Variants in HEATR1 observed in about 807,000 individuals in gnomAD.
The protein encoded by HEATR1 is HEAT repeat-containing protein 1.
In HEATR1, 77 loss-of-function variants were observed where a neutral mutation model predicts 248.2. The ratio of observed to expected loss-of-function variants is 0.31; its 90% CI spans 0.26 to 0.37. The LOEUF is 0.37. Among genes scored for constraint, HEATR1 ranks in the 10% least tolerant of loss-of-function variants. HEATR1 has a pLI of 1.00. For missense variants in HEATR1, 2,420 were observed against 2,504.9 expected, an observed-to-expected ratio of 0.97 and a Z score of 0.72; for synonymous variants, 897 against 923.1, an observed-to-expected ratio of 0.97 and a Z score of 0.51.
intron 33 of HEATR1, 31 bp from the exon 34 acceptor site, chr1:236,559,868 C>G: frequency 1.3e-6 from 2 of 1,574,516 alleles, no homozygotes; most frequent in Middle Eastern, 1.7e-4. Flanking sequence ...CAGCAAACGG[C>G]AGCTGAAGGC....
intron 3 of HEATR1, among the ~76,000 whole-genome samples, chr1:236,601,288 C>T (rs908856184): frequency 1.3e-4 from 19 of 151,582 alleles, no homozygotes; most frequent in African/African-American, 4.6e-4. Context: ...TCCCTGTTAC[C>T]CAGGCTGGAG....
Position 236,595,627 on chromosome 1 carries a change from G to T in HEATR1, c.1003C>A (p.His335Asn), listed in dbSNP as rs772043034. ...CNVPDLITIL[H>N]GISETYDVSP... The stretch of plus-strand genomic sequence containing the variant: ...ACATCGTAAGTTTCAGAAATCCCAT[G>T]AAGTATTGTAATAAGATCAGGAACA... The change falls in exon 8 of 45, where the codon CAT becomes AAT. Residue 335 changes from histidine (H) to asparagine (N), a missense_variant. By Grantham distance (68) the His-to-Asn change is moderately conservative. Transcript: ENST00000366582. 1.9e-6 allele frequency: 3 copies of T among 1,610,576 alleles called. No homozygotes were observed. Among genetic ancestry groups the T allele is most frequent in the Non-Finnish European group, 2.5e-6 (3 of 1,176,912 alleles).
In HEATR1 at chr1:236,558,467, T is replaced by C; in HGVS notation, c.4974A>G (p.Glu1658=). 6.2e-7 allele frequency: 1 copy of C among 1,614,226 alleles called. No homozygotes were observed. The highest frequency in any genetic ancestry group is 8.5e-7 in the Non-Finnish European group (1 of 1,180,028). ...LLAIVQRKKK[E]GEEEQAINRQ... ...TGTTGATTGCTTGTTCTTCTTCCCC[T>C]TCCTTTTTCTTACGCTGCACAATGG... Residue 1658 remains glutamate (E), a synonymous_variant, in exon 36 of 45, where the codon GAA becomes GAG. Transcript: ENST00000366582.
At chr1:236,555,693 C>A (rs761947776) in intron 39 of HEATR1, 38 bp from the exon 40 acceptor site, 5 of 1,608,400 alleles carry the variant, frequency 3.1e-6, no homozygotes, top group Non-Finnish European at 3.4e-6. Context: ...AGTGCTGATA[C>A]CTGACTGTAA....
At chr1:236,565,243 C>T (rs1663237887) in intron 31 of HEATR1, among the ~76,000 whole-genome samples, 1 of 152,184 alleles carries the variant, frequency 6.6e-6, no homozygotes, top group Non-Finnish European at 1.5e-5. Flanking sequence ...TCTTAGAGTA[C>T]CTTCCTTCTA....
rs1172991037 is a variant in HEATR1 at position 236,559,712 on chromosome 1, A to G, written c.4770+2T>C. The G allele has an allele frequency of 6.2e-7, 1 of 1,606,436 alleles. No homozygotes were observed. Among genetic ancestry groups the G allele is most frequent in the Non-Finnish European group, 8.5e-7 (1 of 1,175,696 alleles). On this transcript the variant is annotated splice_donor_variant, in intron 34 of 44. Coordinates refer to ENST00000366582, the MANE Select transcript of HEATR1 (RefSeq NM_018072.6). LOFTEE classifies it high-confidence loss of function. ...TAATTCCAGGGAGAAATGAACACCT[A>G]CCTTATCTAACAGGTCGTAAGCTTT...
In HEATR1 at chr1:236,554,728, T is replaced by C. The variant is rs780491577; in HGVS notation, c.5948A>G (p.Asn1983Ser). Residue 1983 changes from asparagine (N) to serine (S), a missense_variant, in exon 42 of 45, where the codon AAT (asparagine) becomes AGT (serine). Asn to Ser is a conservative substitution (Grantham distance 46). Transcript: ENST00000366582. ...KTDEAFFDSE[N>S]DPEKCCLLLQ... ...CAGCAAGCAGCACTTTTCAGGGTCATTTTCAGAGTCAAAAAATGCTTCATC... is the reference window on the plus strand; with the variant it reads ...CAGCAAGCAGCACTTTTCAGGGTCACTTTCAGAGTCAAAAAATGCTTCATC... 15 of 1,611,088 alleles carry C rather than the reference T, an allele frequency of 9.3e-6. No individual in the cohort carries two copies. The South Asian group carries it at 1.7e-4, about 18-fold the overall frequency.
At chr1:236,551,251 C>G in intron 44 of HEATR1, 1 of 451,176 alleles carries the variant, frequency 2.2e-6, no homozygotes, top group Non-Finnish European at 3.9e-6. Flanking sequence ...GATGCCACCC[C>G]TTTAGTAGCT....
At position 236,596,954 on chromosome 1, in the gene HEATR1, C is replaced by T. The variant is rs1172092585; in HGVS notation, c.626G>A (p.Ser209Asn). Residue 209 changes from serine to asparagine, a missense_variant, in exon 6 of 45, where the codon AGC (serine) becomes AAC (asparagine). Coordinates refer to ENST00000366582, the MANE Select transcript of HEATR1 (RefSeq NM_018072.6). ...SVKVFAEYPGSSAQLRVLLAF... is the reference protein window; with the variant it reads ...SVKVFAEYPGNSAQLRVLLAF... ...CAAGAGCACCCTCAACTGAGCTGAG[C>T]TGCCCGGGTACTCAGCAAAAACCTG... 6.2e-7 allele frequency: 1 copy of T among 1,613,498 alleles called. No homozygotes were observed. Among genetic ancestry groups the T allele is most frequent in the East Asian group, 2.2e-5 (1 of 44,870 alleles).
rs1259857516 is a variant in HEATR1 at position 236,549,055 on chromosome 1, T to C, written c.*1847A>G. 1 of 398,570 alleles carries C rather than the reference T, an allele frequency of 2.5e-6. No homozygotes were observed. The highest frequency in any genetic ancestry group is 4.4e-6 in the Non-Finnish European group (1 of 226,014). 24.7% of individuals were successfully genotyped at this position (398,570 alleles called of 1,614,324 possible). On this transcript the variant is annotated 3_prime_UTR_variant, in exon 45 of 45. Transcript: ENST00000366582. ...AACAAAGTAAGGTCAGGATTAGACTTCAGGCATTCATAAGGCAGGCACTAT... is the reference window on the plus strand; with the variant it reads ...AACAAAGTAAGGTCAGGATTAGACTCCAGGCATTCATAAGGCAGGCACTAT...
chr1:236,598,820 A>G (rs1664244083), intron 4 of HEATR1, among the ~76,000 whole-genome samples: 1 of 152,134 alleles, frequency 6.6e-6, no homozygotes, highest in Non-Finnish European at 1.5e-5. Flanking sequence ...ACCATGCCCA[A>G]CATGCAGTCA....
intron 19 of HEATR1, 41 bp from the exon 20 acceptor site, chr1:236,581,455 C>A: frequency 7.3e-7 from 1 of 1,374,240 alleles, no homozygotes; most frequent in South Asian, 1.5e-5. Context: ...AATTCTTACT[C>A]AAATAAGCTG....
rs557095548 is a variant in HEATR1, at chr1:236,591,118, C to T, written c.1423-164G>A. On this transcript the variant is annotated intron_variant, in intron 11 of 44. Transcript: ENST00000366582. ...AAATGCAAAATCTTTGTTTCTAGAA[C>T]ATCACATGAGTTGATGAAAAAATTT... 3.4e-5 allele frequency among the ~76,000 whole-genome samples: 3 copies of T among 87,662 alleles called. No individual in the cohort carries two copies. The South Asian group carries it at 9.8e-4, about 29-fold the overall frequency. 57.5% of individuals were successfully genotyped at this position (87,662 alleles called of 152,430 possible).
At chr1:236,601,872 G>A (rs1183841912) in intron 3 of HEATR1, among the ~76,000 whole-genome samples, 2 of 151,060 alleles carry the variant, frequency 1.3e-5, no homozygotes, top group Non-Finnish European at 3.0e-5. Context: ...TGGCTGTGGT[G>A]GCTCACACCA....
chr1:236,578,350 T>A (rs1029779610), intron 20 of HEATR1, among the ~76,000 whole-genome samples: 51 of 152,236 alleles, frequency 3.4e-4, no homozygotes, highest in African/African-American at 1.2e-3. Context: ...TTGAAACTTG[T>A]CTATTTCTGC....
rs539739676 is a variant in HEATR1 at position 236,549,469 on chromosome 1, G to A, written c.*1433C>T. Reference sequence around the variant, plus strand: ...CTGCCAGGATTTAGGAATATTTTCAGAACAGATTTTAGATATTATTTCTAT... The same window carrying A: ...CTGCCAGGATTTAGGAATATTTTCAAAACAGATTTTAGATATTATTTCTAT... On this transcript the variant is annotated 3_prime_UTR_variant, in exon 45 of 45. Transcript: ENST00000366582. The A allele has an allele frequency of 6.5e-6, 1 of 153,396 alleles. No homozygotes were observed. Among genetic ancestry groups the A allele is most frequent in the Non-Finnish European group, 1.5e-5 (1 of 68,760 alleles). 9.5% of individuals were successfully genotyped at this position (153,396 alleles called of 1,614,324 possible).
intron 12 of HEATR1, among the ~76,000 whole-genome samples, chr1:236,590,323 A>G (rs1423549607): frequency 2.6e-5 from 4 of 151,948 alleles, no homozygotes; most frequent in Non-Finnish European, 1.5e-5. Flanking sequence ...AACCTCTCAC[A>G]CCCAAGAGAT....
Position 236,576,132 on chromosome 1 carries a change from T to G in HEATR1, c.3084+87A>C, listed in dbSNP as rs568211241. On this transcript the variant is annotated intron_variant, in intron 22 of 44. Coordinates refer to ENST00000366582, the MANE Select transcript of HEATR1 (RefSeq NM_018072.6). ...TCTTCTGAGCGCACACATGCAACTC[T>G]TACAATTGTCTTCTTCACCCACAAG... 8 of 1,047,822 alleles carry G rather than the reference T, an allele frequency of 7.6e-6. No homozygotes were observed. The East Asian group carries it at 2.1e-4, about 28-fold the overall frequency. 64.9% of individuals were successfully genotyped at this position (1,047,822 alleles called of 1,614,324 possible). A position where few individuals can be genotyped will look rare whatever the true frequency, so the allele number is the denominator to read the frequency against.
chr1:236,601,250 TTTTG>T (rs1664316042), intron 3 of HEATR1, among the ~76,000 whole-genome samples: 1 of 147,018 alleles, frequency 6.8e-6, no homozygotes, highest in Admixed American at 6.7e-5. Flanking sequence ...CGTCTCCATT[TTTTG>T]TTTTTTTTTT....
Sources: gnomAD v4.1 joint callset for allele counts (sites outside exome capture counted in the v4.1 genomes callset) on GRCh38, gnomAD v4.1.1 for gene constraint, MANE v1.5 for transcripts, NCBI Gene and HGNC (gene_info 2026-07-23, HGNC 2026-07-21) for gene names.